The following STK32C variants were observed in gnomAD, a reference collection of about 807,000 sequenced individuals.
STK32C encodes the protein serine/threonine kinase 32C.
In STK32C, 31 loss-of-function variants were observed where a neutral mutation model predicts 56.5. That is an observed-to-expected ratio of 0.55 (90% CI 0.41 to 0.74). The LOEUF is 0.74. Among genes scored for constraint, STK32C ranks in the 30% least tolerant of loss-of-function variants. The probability of loss-of-function intolerance (pLI) is 0.00; values close to 1 mark genes in which losing one functional copy is unlikely to be tolerated. For synonymous variants in STK32C, 309 were observed against 289.4 expected (o/e 1.07, Z -0.69); for missense variants, 544 against 676.9 (o/e 0.80, Z 2.18).
chr10:132,299,346 G>A (rs1033746889), intron 1 of STK32C, among the ~76,000 whole-genome samples: 18 of 148,990 alleles, frequency 1.2e-4, no homozygotes, highest in Admixed American at 1.2e-3. Context: ...CCCAAGACAA[G>A]ACCCAGCAGC....
chr10:132,275,612 G>A (rs543935637), intron 1 of STK32C, among the ~76,000 whole-genome samples: 10 of 152,314 alleles, frequency 6.6e-5, no homozygotes, highest in South Asian at 6.2e-4. Flanking sequence ...GCACAGCCAG[G>A]CCACGGGGCC....
At chr10:132,325,724 CTTTTTTTT>C (rs541031233) in intron 1 of STK32C, among the ~76,000 whole-genome samples, 1 of 139,302 alleles carries the variant, frequency 7.2e-6, no homozygotes, top group Non-Finnish European at 1.6e-5. Context: ...TTTGGTATGT[CTTTTTTTT>C]TTTTTTTTTA....
At position 132,224,452 on chromosome 10, in the gene STK32C, C is replaced by G; in HGVS notation, c.948G>C (p.Gln316His). The part of the protein sequence containing the change: ...LVQLFSTVSV[Q>H]YVPTWSKEMV... Reference sequence around the variant, plus strand: ...TCTCCTTGGACCACGTGGGGACATACTGGACGCTCACGGTGCTGAACAGCT... The same window carrying G: ...TCTCCTTGGACCACGTGGGGACATAGTGGACGCTCACGGTGCTGAACAGCT... Residue 316 changes from glutamine (Q) to histidine (H), a missense_variant, in exon 8 of 12, where the codon CAG becomes CAC. Coordinates refer to ENST00000298630, the MANE Select transcript of STK32C (RefSeq NM_173575.4). The G allele has an allele frequency of 6.4e-7, 1 of 1,564,822 alleles. No individual in the cohort carries two copies. The highest frequency in any genetic ancestry group is 8.7e-7 in the Non-Finnish European group (1 of 1,154,574).
At chr10:132,245,561 C>G (rs1175212225) in intron 2 of STK32C, among the ~76,000 whole-genome samples, 1 of 152,244 alleles carries the variant, frequency 6.6e-6, no homozygotes, top group Non-Finnish European at 1.5e-5. Flanking sequence ...CGCTCAGCAC[C>G]CACCCTCCGT....
At chr10:132,223,430 C>G (rs578175298) in intron 8 of STK32C, among the ~76,000 whole-genome samples, 11 of 152,370 alleles carry the variant, frequency 7.2e-5, no homozygotes, top group South Asian at 2.1e-4. Context: ...TGGGAAGCAA[C>G]ATCCCAGCGC....
intron 1 of STK32C, among the ~76,000 whole-genome samples, chr10:132,263,290 C>T (rs2064367219): frequency 1.3e-5 from 2 of 152,058 alleles, no homozygotes; most frequent in African/African-American, 4.8e-5. Context: ...GCCTCTGTGG[C>T]AACATGGATG....
intron 1 of STK32C, among the ~76,000 whole-genome samples, chr10:132,246,462 G>A (rs1228783822): frequency 6.6e-6 from 1 of 152,216 alleles, no homozygotes; most frequent in Non-Finnish European, 1.5e-5. Context: ...AAGCCTGGGG[G>A]AGTCTGCAAA....
intron 1 of STK32C, among the ~76,000 whole-genome samples, chr10:132,281,072 A>G (rs374687946): frequency 1.4e-5 from 2 of 148,068 alleles, no homozygotes; most frequent in South Asian, 2.1e-4. Flanking sequence ...TGATCATGCA[A>G]CTACATTCTG....
intron 2 of STK32C, among the ~76,000 whole-genome samples, chr10:132,232,565 T>A (rs1041512678): frequency 2.6e-5 from 4 of 152,100 alleles, no homozygotes; most frequent in African/African-American, 9.7e-5. Flanking sequence ...ACTCAAACGC[T>A]TCCTCCAGGA....
chr10:132,300,799 C>T (rs1425919063), intron 1 of STK32C, among the ~76,000 whole-genome samples: 4 of 152,180 alleles, frequency 2.6e-5, no homozygotes, highest in South Asian at 2.1e-4. Flanking sequence ...CCGAACAAGG[C>T]GGCATCCCAC....
intron 1 of STK32C, among the ~76,000 whole-genome samples, chr10:132,298,377 A>T (rs552034469): frequency 6.1e-4 from 93 of 152,234 alleles, no homozygotes; most frequent in Non-Finnish European, 1.1e-3. Context: ...TCCTGCCCCA[A>T]TGTGGGGCCC....
chr10:132,310,260 G>T (rs530624752), upstream of STK32C, among the ~76,000 whole-genome samples: 1 of 152,348 alleles, frequency 6.6e-6, no homozygotes, highest in South Asian at 2.1e-4. This position sits in a 1 kb window ranked among gnomAD's most constrained non-coding sequence, Gnocchi z 4.6. Context: ...GAAACAGGAA[G>T]GATCTGTAGG....
At chr10:132,301,562 C>T (rs1048369499) in intron 1 of STK32C, among the ~76,000 whole-genome samples, 2 of 152,192 alleles carry the variant, frequency 1.3e-5, no homozygotes, top group African/African-American at 2.4e-5. Flanking sequence ...CCCAAAAGCA[C>T]GGGGCCACAC....
intron 1 of STK32C, among the ~76,000 whole-genome samples, chr10:132,284,193 G>A (rs1331433642): frequency 6.6e-6 from 1 of 151,488 alleles, no homozygotes; most frequent in Non-Finnish European, 1.5e-5. Context: ...GAGGTCTGCA[G>A]GGTCCGCAGC....
chr10:132,261,638 A>G (rs2064310841), intron 1 of STK32C, among the ~76,000 whole-genome samples: 2 of 152,138 alleles, frequency 1.3e-5, no homozygotes, highest in Admixed American at 1.3e-4. Flanking sequence ...GGTGGTGCAC[A>G]CCTGTAATCC....
chr10:132,329,067 C>T (rs74161780), intron 1 of STK32C, among the ~76,000 whole-genome samples: 5,907 of 152,316 alleles, frequency 0.039, 208 homozygotes, highest in African/African-American at 0.088. Context: ...TGGTAAATTC[C>T]GCCCAGGGGA....
At chr10:132,314,953 G>C (rs1307197539) in intron 1 of STK32C, among the ~76,000 whole-genome samples, 1 of 152,110 alleles carries the variant, frequency 6.6e-6, no homozygotes, top group Admixed American at 6.5e-5. Context: ...TGACCAACAC[G>C]GAGAAACCCC....
intron 1 of STK32C, among the ~76,000 whole-genome samples, chr10:132,259,194 G>A (rs568930789): frequency 1.3e-5 from 2 of 152,336 alleles, no homozygotes; most frequent in South Asian, 4.1e-4. Flanking sequence ...AAGCCCTGGG[G>A]CAGGTGGGAA....
exon 1 of STK32C, chr10:132,331,820 C>T: frequency 1.9e-6 from 3 of 1,553,286 alleles, no homozygotes; most frequent in South Asian, 2.3e-5. Context: ...ACCACCACCC[C>T]TTCAAGGCCG....
Sources: allele counts gnomAD v4.1 joint callset (sites outside exome capture counted in the v4.1 genomes callset), GRCh38; gene constraint gnomAD v4.1.1; non-coding constraint Gnocchi (gnomAD v3.1); transcripts MANE v1.5; gene names NCBI Gene and HGNC (gene_info 2026-07-23, HGNC 2026-07-21).